SGCG: variants seen among roughly 807,000 people sequenced by gnomAD.
SGCG encodes gamma-sarcoglycan.
Under a neutral mutation model 29.3 loss-of-function variants are expected in SGCG, and 26 were observed. The ratio of observed to expected loss-of-function variants is 0.89; its 90% confidence interval spans 0.65 to 1.23. The LOEUF (loss-of-function observed/expected upper bound fraction) is 1.23, where lower values mean the gene tolerates loss of function less well. SGCG is among the 50% of genes most tolerant of loss of function. SGCG has a pLI of 0.00. For missense variants in SGCG, 353 were observed against 356.0 expected (o/e 0.99, Z 0.07); for synonymous variants, 145 against 129.7 (o/e 1.12, Z -0.80).
At chr13:23,286,778 A>T (rs1881513318) in intron 5 of SGCG, among the ~76,000 whole-genome samples, 1 of 152,160 alleles carries the variant, frequency 6.6e-6, no homozygotes, top group Non-Finnish European at 1.5e-5. Flanking sequence ...GACTGTCCTC[A>T]CCCTTCTTGT....
chr13:23,184,265 C>T (rs584742), intron 1 of SGCG, among the ~76,000 whole-genome samples: 76,546 of 151,854 alleles, frequency 0.5, 19,668 homozygotes, highest in East Asian at 0.82. Flanking sequence ...ATAGTTGATA[C>T]ATTGAAATAA....
At chr13:23,187,640 G>T (rs1015880311) in intron 1 of SGCG, among the ~76,000 whole-genome samples, 3 of 152,138 alleles carry the variant, frequency 2.0e-5, no homozygotes, top group Admixed American at 6.5e-5. Flanking sequence ...GTGCATTAGT[G>T]GTGGGTGACC....
chr13:23,268,878 A>C (rs1303249049), intron 4 of SGCG: 2 of 144,888 alleles, frequency 1.4e-5, no homozygotes, highest in Non-Finnish European at 1.5e-5. Flanking sequence ...AGTTACTGTC[A>C]GTTGAGGATA....
intron 4 of SGCG, among the ~76,000 whole-genome samples, chr13:23,258,454 C>T (rs977930446): frequency 8.5e-5 from 13 of 152,210 alleles, no homozygotes; most frequent in East Asian, 3.9e-4. Context: ...TGGACTGAGA[C>T]GATGAGGTTT....
upstream of SGCG, among the ~76,000 whole-genome samples, chr13:23,176,573 C>A (rs1876560164): frequency 6.6e-6 from 1 of 151,472 alleles, no homozygotes; most frequent in South Asian, 2.1e-4. Context: ...TTATGGTTTC[C>A]ATTTGCAGGG....
chr13:23,233,719 A>T (rs1188415678), intron 2 of SGCG, among the ~76,000 whole-genome samples: 1 of 152,200 alleles, frequency 6.6e-6, no homozygotes, highest in Non-Finnish European at 1.5e-5. Context: ...AAATTTGGAA[A>T]AAAATGGATA....
intron 2 of SGCG, among the ~76,000 whole-genome samples, chr13:23,218,937 A>G (rs1258970362): frequency 6.8e-6 from 1 of 147,832 alleles, no homozygotes; most frequent in Non-Finnish European, 1.5e-5. Flanking sequence ...TAGTATAAAT[A>G]TATATTATTT....
At chr13:23,314,185 TATATAGAG>T (rs1566044303) in intron 6 of SGCG, among the ~76,000 whole-genome samples, 1 of 146,432 alleles carries the variant, frequency 6.8e-6, no homozygotes, top group South Asian at 2.1e-4. Context: ...AGTATATATA[TATATAGAG>T]AGAGAGAGAG....
At chr13:23,251,910 A>G (rs1205906406) in intron 4 of SGCG, among the ~76,000 whole-genome samples, 1 of 144,964 alleles carries the variant, frequency 6.9e-6, no homozygotes, top group Non-Finnish European at 1.5e-5. Context: ...CTTTTACAAA[A>G]CAGAATAATG....
chr13:23,190,205 A>G (rs181006302), intron 1 of SGCG, among the ~76,000 whole-genome samples: 118 of 152,246 alleles, frequency 7.8e-4, no homozygotes, highest in African/African-American at 2.5e-3. Flanking sequence ...ATTTTAGTAA[A>G]TTGGTATTTG....
At chr13:23,303,975 CATT>C (rs1355741513) in intron 6 of SGCG, among the ~76,000 whole-genome samples, 1 of 152,138 alleles carries the variant, frequency 6.6e-6, no homozygotes, top group Non-Finnish European at 1.5e-5. Context: ...AATTACATCT[CATT>C]ATAGTTTACA....
At chr13:23,171,887 C>G in the SGCG span, among the ~76,000 whole-genome samples, 2 of 152,212 alleles carry the variant, frequency 1.3e-5, no homozygotes, top group Non-Finnish European at 2.9e-5. Flanking sequence ...AGTATCGGTT[C>G]ATGGCCTGGG....
intron 1 of SGCG, among the ~76,000 whole-genome samples, chr13:23,193,944 G>A (rs978878554): frequency 1.3e-5 from 2 of 152,058 alleles, no homozygotes; most frequent in Non-Finnish European, 2.9e-5. Context: ...GAAAGGTAGA[G>A]GGTAAAATTA....
At chr13:23,220,688 C>G (rs547547209) in intron 2 of SGCG, among the ~76,000 whole-genome samples, 1 of 152,286 alleles carries the variant, frequency 6.6e-6, no homozygotes, top group East Asian at 1.9e-4. Context: ...ATCAACTCCA[C>G]CAATCTTTAC....
At chr13:23,225,820 TCAA>T (rs1254273420) in intron 2 of SGCG, among the ~76,000 whole-genome samples, 2 of 120,646 alleles carry the variant, frequency 1.7e-5, no homozygotes, top group East Asian at 2.1e-4. Flanking sequence ...CCTACATACA[TCAA>T]CATTTATTTC....
At chr13:23,288,569 G>A (rs1364580728) in intron 5 of SGCG, among the ~76,000 whole-genome samples, 1 of 152,172 alleles carries the variant, frequency 6.6e-6, no homozygotes, top group African/African-American at 2.4e-5. Context: ...ATTTATGGAA[G>A]CGATTAAACA....
At chr13:23,162,847 T>TAATA in the SGCG span, among the ~76,000 whole-genome samples, 1 of 151,580 alleles carries the variant, frequency 6.6e-6, no homozygotes, top group African/African-American at 2.4e-5. Context: ...AATAAATAAA[T>TAATA]AATAAATAAA....
chr13:23,322,209 A>G (rs1883063540), intron 7 of SGCG, among the ~76,000 whole-genome samples: 1 of 152,208 alleles, frequency 6.6e-6, no homozygotes, highest in Non-Finnish European at 1.5e-5. Context: ...TCATGCCACC[A>G]TTGCCTGACA....
chr13:23,203,040 A>G (rs1877825835), intron 1 of SGCG, among the ~76,000 whole-genome samples: 2 of 151,914 alleles, frequency 1.3e-5, no homozygotes, highest in African/African-American at 4.8e-5. Context: ...GCTCACTGCA[A>G]CCTCCATCTA....
Sources: allele counts gnomAD v4.1 joint callset (sites outside exome capture counted in the v4.1 genomes callset), GRCh38; gene constraint gnomAD v4.1.1; transcripts MANE v1.5; gene names NCBI Gene and HGNC (gene_info 2026-07-23, HGNC 2026-07-21).